Variants in PPP1R16B observed in about 807,000 individuals in gnomAD.
The protein encoded by PPP1R16B is protein phosphatase 1 regulatory inhibitor subunit 16B.
PPP1R16B carries 14 observed loss-of-function variants against 61.7 expected under a neutral mutation model. That is an observed-to-expected ratio of 0.23 (90% CI 0.15 to 0.35). The LOEUF (loss-of-function observed/expected upper bound fraction) is 0.35, where lower values mean the gene tolerates loss of function less well. PPP1R16B is among the 10% of genes least tolerant of loss of function. PPP1R16B has a pLI of 1.00. For missense variants in PPP1R16B, 547 were observed against 752.5 expected, an observed-to-expected ratio of 0.73 and a Z score of 3.19; for synonymous variants, 266 against 305.3, an observed-to-expected ratio of 0.87 and a Z score of 1.34.
chr20:38,856,281 G>A (rs1465908867), intron 2 of PPP1R16B, among the ~76,000 whole-genome samples: 1 of 152,144 alleles, frequency 6.6e-6, no homozygotes, highest in African/African-American at 2.4e-5. Context: ...GGGAGTTACT[G>A]CAGTGGGGCA....
At chr20:38,887,159 A>C (rs1171239310) in intron 2 of PPP1R16B, among the ~76,000 whole-genome samples, 6 of 152,146 alleles carry the variant, frequency 3.9e-5, no homozygotes, top group Non-Finnish European at 7.3e-5. Flanking sequence ...TGAGTCTCCC[A>C]GGCAATGGGA....
intron 10 of PPP1R16B, among the ~76,000 whole-genome samples, chr20:38,913,290 A>G (rs1299020940): frequency 6.7e-6 from 1 of 149,264 alleles, no homozygotes; most frequent in Non-Finnish European, 1.5e-5. Flanking sequence ...TTTAGATGGA[A>G]TCTTGCTCTG....
At chr20:38,917,218 C>A (rs941501678) in intron 10 of PPP1R16B, among the ~76,000 whole-genome samples, 3 of 151,730 alleles carry the variant, frequency 2.0e-5, no homozygotes, top group Non-Finnish European at 4.4e-5. Flanking sequence ...ATTGCTTGAA[C>A]CCGGGAGGCA....
At chr20:38,831,097 C>A (rs1449437519) in intron 1 of PPP1R16B, among the ~76,000 whole-genome samples, 1 of 152,230 alleles carries the variant, frequency 6.6e-6, no homozygotes, top group Admixed American at 6.5e-5. Context: ...CCTCCTGAGA[C>A]AGCCATTGAC....
chr20:38,896,465 A>C (rs2085350400), intron 4 of PPP1R16B, among the ~76,000 whole-genome samples: 2 of 142,198 alleles, frequency 1.4e-5, no homozygotes, highest in Admixed American at 7.1e-5. Flanking sequence ...TACTCTCCCC[A>C]TCTCTGTGTG....
rs186439628 is a variant in PPP1R16B, at chr20:38,837,696, C to T, written c.250+1521C>T. On this transcript the variant is annotated intron_variant, in intron 2 of 10. Transcript: ENST00000299824. The stretch of plus-strand genomic sequence containing the variant: ...GAGTAGCTGGGATTACAGGCGTTCA[C>T]CTCCATGCCCTGGCTATTTTTTTAA... Among the ~76,000 whole-genome samples the T allele has an allele frequency of 1.6e-3, 246 of 152,086 alleles. 4 individuals are homozygous for T. The highest frequency in any genetic ancestry group is 5.8e-3 in the African/African-American group (241 of 41,472).
intron 3 of PPP1R16B, among the ~76,000 whole-genome samples, chr20:38,894,732 C>T (rs62201387): frequency 0.13 from 19,420 of 152,168 alleles, 1,384 homozygotes; most frequent in East Asian, 0.32. Flanking sequence ...TCCTCTCTCC[C>T]GGCCTTTCCC....
intron 2 of PPP1R16B, among the ~76,000 whole-genome samples, chr20:38,881,056 G>C (rs2085200227): frequency 1.3e-5 from 2 of 152,172 alleles, no homozygotes; most frequent in African/African-American, 4.8e-5. Flanking sequence ...GGGACCTGAG[G>C]CTTGGTCCTG....
chr20:38,859,523 G>C (rs1274761049), intron 2 of PPP1R16B, among the ~76,000 whole-genome samples: 1 of 152,224 alleles, frequency 6.6e-6, no homozygotes, highest in Non-Finnish European at 1.5e-5. Context: ...CCAGGTTCTT[G>C]CTCTGTTGCC....
intron 6 of PPP1R16B, among the ~76,000 whole-genome samples, chr20:38,904,460 A>G (rs566453111): frequency 3.9e-5 from 6 of 152,368 alleles, no homozygotes; most frequent in Non-Finnish European, 7.3e-5. Context: ...CAAATTCTCA[A>G]TAGATGTTAG....
At position 38,852,047 on chromosome 20, in the gene PPP1R16B, G is replaced by T. The variant is rs556514209; in HGVS notation, c.250+15872G>T. 5.9e-5 allele frequency among the ~76,000 whole-genome samples: 9 copies of T among 152,194 alleles called. 1 individual carries two copies. In the South Asian group the frequency reaches 1.0e-3, roughly 18 times the overall value. On this transcript the variant is annotated intron_variant, in intron 2 of 10. Coordinates refer to ENST00000299824, the MANE Select transcript of PPP1R16B (RefSeq NM_015568.4). ...GGCCCTGTATCTCGCGGGGACGGCGGGGGGGGAAGGCCTTGTCAAGAACAG... is the reference window on the plus strand; with the variant it reads ...GGCCCTGTATCTCGCGGGGACGGCGTGGGGGGAAGGCCTTGTCAAGAACAG...
At chr20:38,851,507 T>C (rs974724718) in intron 2 of PPP1R16B, among the ~76,000 whole-genome samples, 2 of 151,658 alleles carry the variant, frequency 1.3e-5, no homozygotes, top group African/African-American at 4.8e-5. Context: ...TAGAAGACGA[T>C]TTCTCTCTGA....
chr20:38,900,506 A>G, intron 4 of PPP1R16B, 75 bp from the exon 5 acceptor site: 1 of 1,145,478 alleles, frequency 8.7e-7, no homozygotes, highest in Non-Finnish European at 1.3e-6. Flanking sequence ...TGCAGGCGAG[A>G]GGCCAGAGGG....
At chr20:38,912,596 G>A (rs1396537206) in intron 10 of PPP1R16B, among the ~76,000 whole-genome samples, 1 of 151,552 alleles carries the variant, frequency 6.6e-6, no homozygotes, top group Non-Finnish European at 1.5e-5. Context: ...GATTGCTTGA[G>A]TCGAGGAATT....
chr20:38,900,247 G>A (rs1346295786), intron 4 of PPP1R16B, among the ~76,000 whole-genome samples: 2 of 152,198 alleles, frequency 1.3e-5, no homozygotes, highest in African/African-American at 4.8e-5. Context: ...TGCCATTAAT[G>A]TGATTTTTGT....
At position 38,914,155 on chromosome 20, in the gene PPP1R16B, C is replaced by G. The variant is rs972171645; in HGVS notation, c.1195-4002C>G. Among the ~76,000 whole-genome samples the G allele has an allele frequency of 7.9e-5, 12 of 151,474 alleles. 1 individual carries two copies. Among genetic ancestry groups the G allele is most frequent in the African/African-American group, 2.9e-4 (12 of 41,082 alleles). On this transcript the variant is annotated intron_variant, in intron 10 of 10. Transcript: ENST00000299824. Reference sequence around the variant, plus strand: ...CCAAGATTGCACCACTGCACTCCAGCCTGGGCAACAGAGTGAGACTCTATC... The same window carrying G: ...CCAAGATTGCACCACTGCACTCCAGGCTGGGCAACAGAGTGAGACTCTATC...
At chr20:38,807,123 C>T (rs549971266) in intron 1 of PPP1R16B, among the ~76,000 whole-genome samples, 1 of 152,326 alleles carries the variant, frequency 6.6e-6, no homozygotes, top group Non-Finnish European at 1.5e-5. Context: ...AAGGGCCTGC[C>T]GATGGCGGCC....
chr20:38,895,882 CTTT>C (rs2085334948), intron 4 of PPP1R16B, among the ~76,000 whole-genome samples, 172 bp downstream of exon 4: 1 of 113,214 alleles, frequency 8.8e-6, no homozygotes, highest in Admixed American at 8.2e-5. Context: ...CTCCTTCCTT[CTTT>C]CTTCCCTCCC....
At chr20:38,876,368 C>CAT (rs1303130149) in intron 2 of PPP1R16B, among the ~76,000 whole-genome samples, 2 of 152,220 alleles carry the variant, frequency 1.3e-5, no homozygotes, top group East Asian at 3.9e-4. Context: ...GCTGTGTGGC[C>CAT]ATATGGTCTC....
Sources: allele counts gnomAD v4.1 joint callset (sites outside exome capture counted in the v4.1 genomes callset), GRCh38; gene constraint gnomAD v4.1.1; transcripts MANE v1.5; gene names NCBI Gene and HGNC (gene_info 2026-07-23, HGNC 2026-07-21).